Variants in KCNA2 observed in about 807,000 individuals in gnomAD.
KCNA2 encodes potassium voltage-gated channel subfamily A member 2.
KCNA2 carries 11 observed loss-of-function variants against 33.4 expected under a neutral mutation model. The observed-to-expected ratio is 0.33, with a 90% CI of 0.21 to 0.55. The LOEUF is 0.55. Ranked by LOEUF, KCNA2 falls within the 20% of genes least tolerant of loss-of-function variation. The probability of loss-of-function intolerance (pLI) is 0.93; values close to 1 mark genes in which losing one functional copy is unlikely to be tolerated. For synonymous variants in KCNA2, 222 were observed against 231.3 expected (o/e 0.96, Z 0.37); for missense variants, 291 against 621.6 (o/e 0.47, Z 5.66).
rs1649219061 is a variant in KCNA2, at chr1:110,598,922, T to C, written c.*4361A>G. 1 of 985,320 alleles carries C rather than the reference T, an allele frequency of 1.0e-6. No homozygotes were observed. 61.0% of individuals were successfully genotyped at this position (985,320 alleles called of 1,614,324 possible). On this transcript the variant is annotated 3_prime_UTR_variant, in exon 3 of 3. Coordinates refer to ENST00000316361, the MANE Select transcript of KCNA2 (RefSeq NM_004974.4). ...AATCTCTCCACCTTTCCTGGGCCTA[T>C]TCCTTTTCGGTCTCCTGAAAACTCC...
Position 110,599,190 on chromosome 1 carries a change from A to C in KCNA2, c.*4093T>G. Reference sequence around the variant, plus strand: ...AGGCCTGATCCAAAGCCTGACTGCAACTCTTTACTTCCGATGTAGGTGAAG... The same window carrying C: ...AGGCCTGATCCAAAGCCTGACTGCACCTCTTTACTTCCGATGTAGGTGAAG... On this transcript the variant is annotated 3_prime_UTR_variant, in exon 3 of 3. Transcript: ENST00000316361. The C allele has an allele frequency of 1.0e-6, 1 of 985,360 alleles. No homozygotes were observed. Among genetic ancestry groups the C allele is most frequent in the Non-Finnish European group, 1.2e-6 (1 of 829,916 alleles). 61.0% of individuals were successfully genotyped at this position (985,360 alleles called of 1,614,324 possible).
intron 1 of KCNA2, among the ~76,000 whole-genome samples, chr1:110,611,726 GAA>G (rs11378342): frequency 1.5e-4 from 21 of 137,454 alleles, no homozygotes; most frequent in African/African-American, 3.7e-4. Context: ...ATCCTGTCTT[GAA>G]AAAAAAAAAA....
chr1:110,619,605 G>T (rs914923620), intron 1 of KCNA2, among the ~76,000 whole-genome samples: 1 of 152,252 alleles, frequency 6.6e-6, no homozygotes, highest in African/African-American at 2.4e-5. Flanking sequence ...CAACGCCCAC[G>T]CAGCAGGGAG....
rs567091480 is a variant in KCNA2 at position 110,598,017 on chromosome 1, T to C, written c.*5266A>G. 2 of 985,368 alleles carry C rather than the reference T, an allele frequency of 2.0e-6. No homozygotes were observed. Among genetic ancestry groups the C allele is most frequent in the East Asian group, 2.3e-4 (2 of 8,784 alleles). The allele number at this position is 985,368 out of a possible 1,614,324, so 61.0% of individuals were successfully genotyped here. A position where few individuals can be genotyped will look rare whatever the true frequency, so the allele number is the denominator to read the frequency against. On this transcript the variant is annotated 3_prime_UTR_variant, in exon 3 of 3. Transcript: ENST00000316361. ...TCAACAAGGGCTAAGTCTGAAGATA[T>C]AGATGATGGTCACAATAGCTACTGA...
chr1:110,629,686 C>G lies in KCNA2; in HGVS notation c.-496+1709G>C, dbSNP rs116347550. Among the ~76,000 whole-genome samples the G allele has an allele frequency of 5.7e-3, 870 of 152,298 alleles. 11 individuals are homozygous for G. The highest frequency in any genetic ancestry group is 0.02 in the African/African-American group (813 of 41,544). ...CACACTGAGCATCTGGTGTCTGACC[C>G]TCGGTGGATGACAGACACCTGTTTG... On this transcript the variant is annotated intron_variant, in intron 1 of 4. Transcript: ENST00000369770.
chr1:110,624,658 C>T (rs890063536), intron 1 of KCNA2, among the ~76,000 whole-genome samples: 1 of 152,164 alleles, frequency 6.6e-6, no homozygotes, highest in Non-Finnish European at 1.5e-5. Flanking sequence ...AACTACTACA[C>T]ATGCTGGGAA....
intron 1 of KCNA2, among the ~76,000 whole-genome samples, chr1:110,626,920 G>C (rs1291602665): frequency 6.6e-6 from 1 of 152,240 alleles, no homozygotes; most frequent in East Asian, 1.9e-4. Flanking sequence ...CTCCAGTGAA[G>C]TCTTAGTATA....
intron 1 of KCNA2, among the ~76,000 whole-genome samples, chr1:110,619,755 A>G (rs1280243554): frequency 2.6e-5 from 4 of 152,162 alleles, no homozygotes; most frequent in African/African-American, 9.7e-5. Flanking sequence ...CCTATTTGTT[A>G]AGCCCTTAAA....
At chr1:110,615,695 A>G (rs541012612) in intron 1 of KCNA2, among the ~76,000 whole-genome samples, 8 of 152,186 alleles carry the variant, frequency 5.3e-5, no homozygotes, top group Non-Finnish European at 1.2e-4. Flanking sequence ...ACAAGTGAGG[A>G]GGTGGCTAAA....
chr1:110,613,892 G>A (rs375046622), intron 1 of KCNA2, among the ~76,000 whole-genome samples: 5 of 152,144 alleles, frequency 3.3e-5, no homozygotes, highest in African/African-American at 4.8e-5. Flanking sequence ...GCTGGACCTC[G>A]TCCTGTCCAC....
chr1:110,609,414 G>A (rs1045184460), upstream of KCNA2, among the ~76,000 whole-genome samples: 1 of 152,198 alleles, frequency 6.6e-6, no homozygotes, highest in Non-Finnish European at 1.5e-5. Context: ...AGAAGTCAAT[G>A]TATACATTAG....
chr1:110,625,793 C>T (rs896827918), intron 1 of KCNA2, among the ~76,000 whole-genome samples: 6 of 152,072 alleles, frequency 3.9e-5, no homozygotes, highest in African/African-American at 1.4e-4. Flanking sequence ...TGGCAATGAA[C>T]AATCAGTCCA....
chr1:110,594,570 A>C lies in KCNA2; in HGVS notation c.*8713T>G. The stretch of plus-strand genomic sequence containing the variant: ...GATGCAGAAAACCAGGAAGAGGCCA[A>C]TTTGGCTGGGGTATTGTTTGCTCAG... On this transcript the variant is annotated 3_prime_UTR_variant, in exon 3 of 3. Coordinates refer to ENST00000316361, the MANE Select transcript of KCNA2 (RefSeq NM_004974.4). 1.0e-6 allele frequency: 1 copy of C among 985,352 alleles called. No homozygotes were observed. Among genetic ancestry groups the C allele is most frequent in the Non-Finnish European group, 1.2e-6 (1 of 829,944 alleles). The allele number at this position is 985,352 out of a possible 1,614,324, so 61.0% of individuals were successfully genotyped here.
chr1:110,625,931 T>C lies in KCNA2; in HGVS notation c.-496+5464A>G, dbSNP rs149528081. The stretch of plus-strand genomic sequence containing the variant: ...TTTGACCTATTGATTTGGCAAAAAT[T>C]CAAAAGTTTAGCCATATATTTATTT... On this transcript the variant is annotated intron_variant, in intron 1 of 4. Coordinates refer to the KCNA2 transcript ENST00000369770. Among the ~76,000 whole-genome samples, 513 of 152,254 alleles carry C rather than the reference T, an allele frequency of 3.4e-3. 5 individuals are homozygous for C. The highest frequency in any genetic ancestry group is 0.012 in the African/African-American group (495 of 41,538).
In KCNA2 at chr1:110,600,518, T is replaced by C. The variant is rs745440049; in HGVS notation, c.*2765A>G. ...CATATATCTTCTGTGTTTGCTTTTA[T>C]GTTAACCTGGTCTGTCTGTATTTTG... On this transcript the variant is annotated 3_prime_UTR_variant, in exon 3 of 3. Coordinates refer to ENST00000316361, the MANE Select transcript of KCNA2 (RefSeq NM_004974.4). 14 of 985,242 alleles carry C rather than the reference T, an allele frequency of 1.4e-5. No individual in the cohort carries two copies. The highest frequency in any genetic ancestry group is 3.5e-5 in the African/African-American group (2 of 57,208). The allele number at this position is 985,242 out of a possible 1,614,324, so 61.0% of individuals were successfully genotyped here.
intron 1 of KCNA2, among the ~76,000 whole-genome samples, chr1:110,621,326 T>C (rs564193946): frequency 2.0e-5 from 3 of 152,322 alleles, no homozygotes; most frequent in African/African-American, 4.8e-5. Flanking sequence ...GATTATAACT[T>C]CATTAAAAAG....
rs1431898967 is a variant in KCNA2 at position 110,601,279 on chromosome 1, T to C, written c.*2004A>G. On this transcript the variant is annotated 3_prime_UTR_variant, in exon 3 of 3. Coordinates refer to ENST00000316361, the MANE Select transcript of KCNA2 (RefSeq NM_004974.4). Reference sequence around the variant, plus strand: ...GTCCCGGACTTCAGACATTTCCACATAGAGGAGGCTCCCTTTAGGTCCAGA... The same window carrying C: ...GTCCCGGACTTCAGACATTTCCACACAGAGGAGGCTCCCTTTAGGTCCAGA... 3 of 985,354 alleles carry C rather than the reference T, an allele frequency of 3.0e-6. No homozygotes were observed. Among genetic ancestry groups the C allele is most frequent in the Non-Finnish European group, 1.2e-6 (1 of 829,950 alleles). The allele number at this position is 985,354 out of a possible 1,614,324, so 61.0% of individuals were successfully genotyped here.
intron 1 of KCNA2, among the ~76,000 whole-genome samples, chr1:110,624,424 C>T (rs1423719364): frequency 6.6e-6 from 1 of 152,200 alleles, no homozygotes; most frequent in Non-Finnish European, 1.5e-5. Flanking sequence ...TGTGAAATTG[C>T]CAGAAATGGC....
Position 110,601,489 on chromosome 1 carries a change from G to A in KCNA2, c.*1794C>T. ...TGATGAACAGGATGAACTGTAGAGA[G>A]GAGGCCCGGGGTGGGTCTGGCCCAG... is the stretch of plus-strand genomic sequence containing the variant. On this transcript the variant is annotated 3_prime_UTR_variant, in exon 3 of 3. Transcript: ENST00000316361. The A allele has an allele frequency of 1.0e-6, 1 of 985,952 alleles. No individual in the cohort carries two copies. Among genetic ancestry groups the A allele is most frequent in the Non-Finnish European group, 1.2e-6 (1 of 830,318 alleles). The allele number at this position is 985,952 out of a possible 1,614,324, so 61.1% of individuals were successfully genotyped here. A position where few individuals can be genotyped will look rare whatever the true frequency, so the allele number is the denominator to read the frequency against.
Sources: allele counts gnomAD v4.1 joint callset (sites outside exome capture counted in the v4.1 genomes callset), GRCh38; gene constraint gnomAD v4.1.1; transcripts MANE v1.5; gene names NCBI Gene and HGNC (gene_info 2026-07-23, HGNC 2026-07-21).